CCDC158: variants seen among roughly 807,000 people sequenced by gnomAD.
The protein encoded by CCDC158 is coiled-coil domain containing 158, also known as coiled-coil domain-containing protein 158.
A neutral mutation model predicts 138.6 loss-of-function variants in CCDC158; 116 were observed. The ratio of observed to expected loss-of-function variants is 0.84; its 90% CI spans 0.72 to 0.98. CCDC158 has a LOEUF of 0.98. Ranked by LOEUF, CCDC158 falls within the 50% of genes least tolerant of loss-of-function variation. The pLI, the probability that CCDC158 is intolerant of heterozygous loss-of-function variation, is 0.00. For missense variants in CCDC158, 1,265 were observed against 1,306.1 expected, an observed-to-expected ratio of 0.97 and a Z score of 0.48; for synonymous variants, 436 against 442.4, an observed-to-expected ratio of 0.99 and a Z score of 0.18.
chr4:76,392,880 C>T (rs1376967623), intron 4 of CCDC158, among the ~76,000 whole-genome samples: 2 of 151,678 alleles, frequency 1.3e-5, no homozygotes, highest in African/African-American at 2.4e-5. Flanking sequence ...AAAAGTAATC[C>T]CATTACAAGT....
chr4:76,332,580 CA>C, intron 19 of CCDC158, 89 bp from the exon 20 acceptor site: 1 of 1,045,062 alleles, frequency 9.6e-7, no homozygotes, highest in Non-Finnish European at 1.4e-6. Context: ...TACATATATT[CA>C]ATTTTTCTTT....
chr4:76,322,490 C>T (rs936353482), intron 24 of CCDC158, among the ~76,000 whole-genome samples: 3 of 152,160 alleles, frequency 2.0e-5, no homozygotes, highest in East Asian at 1.9e-4. Context: ...AAAGGCCTGG[C>T]ACACAGTTGG....
At chr4:76,351,273 G>C in intron 17 of CCDC158, 152 bp from the exon 18 acceptor site, 1 of 697,206 alleles carries the variant, frequency 1.4e-6, no homozygotes, top group Non-Finnish European at 2.2e-6. Flanking sequence ...TCTTAAAATA[G>C]ACATATATTT....
chr4:76,329,594 A>G (rs1280993897), intron 21 of CCDC158, among the ~76,000 whole-genome samples: 2 of 152,186 alleles, frequency 1.3e-5, no homozygotes, highest in African/African-American at 2.4e-5. Context: ...AAATAAATAA[A>G]TAAATGACAA....
chr4:76,370,023 A>G (rs995898273), intron 10 of CCDC158, among the ~76,000 whole-genome samples: 2 of 152,216 alleles, frequency 1.3e-5, no homozygotes, highest in Non-Finnish European at 2.9e-5. Flanking sequence ...TAAGTAATGG[A>G]GAGATGGCAG....
chr4:76,357,586 G>T, intron 13 of CCDC158, 60 bp from the exon 14 acceptor site: 3 of 1,058,106 alleles, frequency 2.8e-6, no homozygotes, highest in Non-Finnish European at 3.8e-6. Context: ...TGTTAATTAA[G>T]TATATTTTAT....
intron 11 of CCDC158, among the ~76,000 whole-genome samples, chr4:76,368,930 T>C (rs537337906): frequency 6.6e-6 from 1 of 152,300 alleles, no homozygotes; most frequent in South Asian, 2.1e-4. Flanking sequence ...AGTGTCTATA[T>C]ATAGGCCGGG....
In CCDC158 at chr4:76,319,469, T is replaced by A. The variant is rs1241014269; in HGVS notation, c.3277+3833A>T. 9.1e-3 allele frequency among the ~76,000 whole-genome samples: 98 copies of A among 10,736 alleles called. 1 individual carries two copies. The highest frequency in any genetic ancestry group is 0.015 in the African/African-American group (34 of 2,274). 7.0% of individuals were successfully genotyped at this position (10,736 alleles called of 152,430 possible). ...AAAAAAAAAAAAAAAAAAAAAAATATATATATATATATATATATATATATA... is the reference window on the plus strand; with the variant it reads ...AAAAAAAAAAAAAAAAAAAAAAATAAATATATATATATATATATATATATA... On this transcript the variant is annotated intron_variant, in intron 24 of 24. Transcript: ENST00000682701.
rs1169096354 is a variant in CCDC158, at chr4:76,396,484, A to G, written c.73T>C (p.Ser25Pro). ...GATGACACAAAAAATGAACTTGAAGAACCTAAATATTAAAGAATTCATTAA... is the reference window on the plus strand; with the variant it reads ...GATGACACAAAAAATGAACTTGAAGGACCTAAATATTAAAGAATTCATTAA... ...SSSGVTSNGG[S>P]SSSFFVSSIR... The change falls in exon 4 of 25, where the codon TCT (serine) becomes CCT (proline). Residue 25 changes from serine to proline, a missense_variant and splice_region_variant. By Grantham distance (74) the Ser-to-Pro change is moderately conservative (BLOSUM62 -1). Coordinates refer to ENST00000682701, the MANE Select transcript of CCDC158 (RefSeq NM_001394954.1). The G allele has an allele frequency of 6.3e-7, 1 of 1,596,734 alleles. No individual in the cohort carries two copies. Among genetic ancestry groups the G allele is most frequent in the Non-Finnish European group, 8.5e-7 (1 of 1,172,354 alleles).
intron 9 of CCDC158, among the ~76,000 whole-genome samples, chr4:76,372,655 T>C (rs1725350794): frequency 6.6e-6 from 1 of 152,224 alleles, no homozygotes; most frequent in Admixed American, 6.5e-5. Context: ...TATATATTTA[T>C]ATTTACAGTA....
At chr4:76,319,807 C>T (rs1440042281) in intron 24 of CCDC158, among the ~76,000 whole-genome samples, 3 of 151,838 alleles carry the variant, frequency 2.0e-5, no homozygotes, top group African/African-American at 7.3e-5. Context: ...TAACCAAAAC[C>T]ATCTATGACA....
chr4:76,389,718 A>G (rs1292917517), intron 4 of CCDC158, among the ~76,000 whole-genome samples: 3 of 152,206 alleles, frequency 2.0e-5, no homozygotes, highest in African/African-American at 7.2e-5. Flanking sequence ...AGCAAGAGAA[A>G]AGAAACAAAT....
At position 76,357,364 on chromosome 4, in the gene CCDC158, C is replaced by T. The variant is rs766415859; in HGVS notation, c.2173+10G>A. The T allele has an allele frequency of 2.0e-6, 3 of 1,477,438 alleles. No individual in the cohort carries two copies. Among genetic ancestry groups the T allele is most frequent in the African/African-American group, 2.9e-5 (2 of 69,506 alleles). The allele number at this position is 1,477,438 out of a possible 1,614,324, so 91.5% of individuals were successfully genotyped here. A position where few individuals can be genotyped will look rare whatever the true frequency, so the allele number is the denominator to read the frequency against. ...ACAGAAGAAAAAATTTTAAATCTAA[C>T]AGAGCATACCATGACCATCAGATCC... On this transcript the variant is annotated intron_variant, in intron 14 of 24. Transcript: ENST00000682701.
intron 23 of CCDC158, among the ~76,000 whole-genome samples, chr4:76,324,238 A>C (rs924400161): frequency 6.8e-6 from 1 of 146,906 alleles, no homozygotes; most frequent in African/African-American, 2.5e-5. Flanking sequence ...CCCAGGCTGG[A>C]GTGCAATCAT....
chr4:76,340,392 G>A (rs1721940387), intron 18 of CCDC158, among the ~76,000 whole-genome samples: 1 of 152,332 alleles, frequency 6.6e-6, no homozygotes, highest in East Asian at 1.9e-4. Flanking sequence ...TAAACCAGGT[G>A]CACTGGCTTT....
chr4:76,389,828 A>T (rs1489583843), intron 4 of CCDC158, among the ~76,000 whole-genome samples: 3 of 152,198 alleles, frequency 2.0e-5, no homozygotes, highest in Non-Finnish European at 4.4e-5. Flanking sequence ...TGCTGAAAGA[A>T]AAAAACCATC....
chr4:76,395,647 T>C (rs1039679056), intron 4 of CCDC158, among the ~76,000 whole-genome samples: 22 of 151,456 alleles, frequency 1.5e-4, no homozygotes, highest in Non-Finnish European at 2.8e-4. Flanking sequence ...GGCCTGATAC[T>C]ACCAGAATAG....
At chr4:76,417,021 C>T (rs1050542225) in intron 1 of CCDC158, among the ~76,000 whole-genome samples, 8 of 152,180 alleles carry the variant, frequency 5.3e-5, no homozygotes, top group Admixed American at 5.2e-4. Flanking sequence ...CACTCAACAC[C>T]AGCCCATGAA....
At chr4:76,348,168 T>C (rs1314540084) in intron 18 of CCDC158, among the ~76,000 whole-genome samples, 1 of 150,520 alleles carries the variant, frequency 6.6e-6, no homozygotes, top group Non-Finnish European at 1.5e-5. Context: ...CTCAGGCCTG[T>C]AATCCCAGCA....
Sources: allele counts gnomAD v4.1 joint callset (sites outside exome capture counted in the v4.1 genomes callset), GRCh38; gene constraint gnomAD v4.1.1; transcripts MANE v1.5; gene names NCBI Gene and HGNC (gene_info 2026-07-23, HGNC 2026-07-21).